Variants in NLGN3 observed in about 807,000 individuals in gnomAD.
The protein encoded by NLGN3 is neuroligin-3.
A neutral mutation model predicts 42.9 loss-of-function variants in NLGN3; 11 were observed. The observed-to-expected ratio is 0.26, with a 90% confidence interval of 0.16 to 0.42. The LOEUF (loss-of-function observed/expected upper bound fraction) is 0.42, where lower values mean the gene tolerates loss of function less well. NLGN3 is among the 10% of genes least tolerant of loss of function. The probability of loss-of-function intolerance (pLI) is 1.00; values close to 1 mark genes in which losing one functional copy is unlikely to be tolerated. For missense variants in NLGN3, 374 were observed against 733.8 expected (o/e 0.51, Z 5.67); for synonymous variants, 279 against 312.7 (o/e 0.89, Z 1.14).
At chrX:71,156,481 C>T (rs1310326219) in intron 5 of NLGN3, among the ~76,000 whole-genome samples, 1 of 110,905 alleles carries the variant, frequency 9.0e-6, no homozygotes, top group Non-Finnish European at 1.9e-5. Flanking sequence ...CCTACACATA[C>T]ATTCCCCCAC....
chrX:71,148,398 T>G (rs765125761), intron 2 of NLGN3, among the ~76,000 whole-genome samples, 192 bp downstream of exon 2: 28 of 106,064 alleles, frequency 2.6e-4, no homozygotes, highest in Admixed American at 2.0e-4. Flanking sequence ...AGCTCCCATG[T>G]GTGAGTGACA....
intron 1 of NLGN3, among the ~76,000 whole-genome samples, chrX:71,146,166 CACACAG>C (rs767279523): frequency 0.047 from 2,230 of 47,411 alleles, 69 homozygotes; most frequent in Admixed American, 0.11. Context: ...CACACACACA[CACACAG>C]ACACACACAC....
intron 3 of NLGN3, among the ~76,000 whole-genome samples, chrX:71,151,650 C>T (rs772307229): frequency 2.1e-4 from 24 of 112,231 alleles, no homozygotes; most frequent in Non-Finnish European, 4.1e-4. Flanking sequence ...GCTGAAGGAG[C>T]AAAGGCATCT....
chrX:71,145,447 A>G (rs754748168), intron 1 of NLGN3, among the ~76,000 whole-genome samples: 3 of 102,693 alleles, frequency 2.9e-5, no homozygotes, highest in East Asian at 6.3e-4. Context: ...GTAGCCCCCA[A>G]TACTGCAGTT....
At chrX:71,156,540 A>G (rs59967081) in intron 5 of NLGN3, among the ~76,000 whole-genome samples, 18,515 of 109,044 alleles carry the variant, frequency 0.17, 1,495 homozygotes, top group Admixed American at 0.34. Flanking sequence ...ACACTCTTCC[A>G]TATACAGCCT....
At position 71,147,711 on chromosome X, in the gene NLGN3, C is replaced by G; in HGVS notation, c.-39C>G. ...TGCCTATTGGGCTGATGCTGTGACC[C>G]TGGAGTCTGCCTCTCCTGCCAGTCC... is the stretch of plus-strand genomic sequence containing the variant. On this transcript the variant is annotated 5_prime_UTR_variant, in exon 2 of 8. Transcript: ENST00000358741. The G allele has an allele frequency of 8.8e-7, 1 of 1,136,574 alleles. No individual in the cohort carries two copies. The allele number at this position is 1,136,574 out of a possible 1,213,427, so 93.7% of individuals were successfully genotyped here.
At position 71,170,192 on chromosome X, in the gene NLGN3, C is replaced by T. The variant is rs1208671480; in HGVS notation, c.*95C>T. 1.7e-6 allele frequency: 2 copies of T among 1,181,280 alleles called. No individual in the cohort carries two copies. The highest frequency in any genetic ancestry group is 2.3e-6 in the Non-Finnish European group (2 of 886,432). On this transcript the variant is annotated 3_prime_UTR_variant, in exon 8 of 8. Coordinates refer to ENST00000358741, the MANE Select transcript of NLGN3 (RefSeq NM_181303.2). ...ACACACACACACGCAGACACACACACACACACACATATATGTATACGCACG... is the reference window on the plus strand; with the variant it reads ...ACACACACACACGCAGACACACACATACACACACATATATGTATACGCACG...
Position 71,170,546 on chromosome X carries a change from C to G in NLGN3, c.*449C>G. ...TAGCTCTTCCTCCCCAGGACTTGGT[C>G]TTTTTTCTGGGTCTTGTTTTGTTGA... On this transcript the variant is annotated 3_prime_UTR_variant, in exon 8 of 8. Coordinates refer to ENST00000358741, the MANE Select transcript of NLGN3 (RefSeq NM_181303.2). 1 of 796,514 alleles carries G rather than the reference C, an allele frequency of 1.3e-6. No individual in the cohort carries two copies. The highest frequency in any genetic ancestry group is 1.5e-6 in the Non-Finnish European group (1 of 665,977). The allele number at this position is 796,514 out of a possible 1,213,427, so 65.6% of individuals were successfully genotyped here. A position where few individuals can be genotyped will look rare whatever the true frequency, so the allele number is the denominator to read the frequency against.
chrX:71,170,326 A>C lies in NLGN3; in HGVS notation c.*229A>C. ...AAGTAAACCTGAACAAACCCTTTAAATGGGGACGCAGATGAGTCCTCGGTA... is the reference window on the plus strand; with the variant it reads ...AAGTAAACCTGAACAAACCCTTTAACTGGGGACGCAGATGAGTCCTCGGTA... On this transcript the variant is annotated 3_prime_UTR_variant, in exon 8 of 8. Transcript: ENST00000358741. The C allele has an allele frequency of 1.0e-5, 11 of 1,050,731 alleles. No individual in the cohort carries two copies. Among genetic ancestry groups the C allele is most frequent in the Non-Finnish European group, 1.2e-5 (10 of 813,082 alleles). The allele number at this position is 1,050,731 out of a possible 1,213,427, so 86.6% of individuals were successfully genotyped here. A position where few individuals can be genotyped will look rare whatever the true frequency, so the allele number is the denominator to read the frequency against.
chrX:71,163,278 C>T (rs763671406), intron 5 of NLGN3, among the ~76,000 whole-genome samples: 55 of 111,917 alleles, frequency 4.9e-4, no homozygotes, highest in African/African-American at 1.8e-3. Flanking sequence ...ATTTCTCCAC[C>T]AGATGAAAAA....
At chrX:71,161,731 G>A (rs1051393493) in intron 5 of NLGN3, among the ~76,000 whole-genome samples, 3 of 111,799 alleles carry the variant, frequency 2.7e-5, no homozygotes, top group African/African-American at 9.8e-5. Context: ...CCGAGATCAT[G>A]CCATTGCATT....
Position 71,146,174 on chromosome X carries a change from C to CAG in NLGN3, c.-201+1211_-201+1212insGA, listed in dbSNP as rs1453651677. ...TCTCTCACACACACACACACACAGA[C>CAG]ACACACACACACACACACACACACA... is the stretch of plus-strand genomic sequence containing the variant. On this transcript the variant is annotated intron_variant, in intron 1 of 7. Transcript: ENST00000358741. Among the ~76,000 whole-genome samples the CAG allele has an allele frequency of 3.8e-3, 210 of 55,468 alleles. 2 individuals are homozygous for CAG. Among genetic ancestry groups the CAG allele is most frequent in the African/African-American group, 7.3e-3 (80 of 11,017 alleles). 48.2% of individuals were successfully genotyped at this position (55,468 alleles called of 115,157 possible).
chrX:71,165,720 G>A (rs2092444716), intron 6 of NLGN3, among the ~76,000 whole-genome samples: 1 of 110,321 alleles, frequency 9.1e-6, no homozygotes, highest in South Asian at 3.9e-4. Context: ...TTTTTGTAGA[G>A]ACAGGTTTTC....
At position 71,168,898 on chromosome X, in the gene NLGN3, G is replaced by GAAAA. The variant is rs59272077; in HGVS notation, c.1704-353_1704-352insAAAA. Among the ~76,000 whole-genome samples the GAAAA allele has an allele frequency of 2.0e-3, 200 of 100,571 alleles. 1 individual carries two copies. Among genetic ancestry groups the GAAAA allele is most frequent in the African/African-American group, 8.5e-3 (194 of 22,766 alleles). 87.3% of individuals were successfully genotyped at this position (100,571 alleles called of 115,157 possible). ...AAGAAAAGAAAGAGAAAGAAAGAAA[G>GAAAA]AAAGAAAAAGAGACTTCGGGTTCAG... On this transcript the variant is annotated intron_variant, in intron 7 of 7. Transcript: ENST00000358741.
At chrX:71,147,433 C>G (rs181160842) in intron 1 of NLGN3, 117 bp from the exon 2 acceptor site, 1 of 359,645 alleles carries the variant, frequency 2.8e-6, no homozygotes, top group Non-Finnish European at 4.9e-6. Context: ...GGCCCCTGGG[C>G]ATGTGAAACC....
intron 5 of NLGN3, 75 bp from the exon 6 acceptor site, chrX:71,164,068 G>T: frequency 1.0e-6 from 1 of 995,847 alleles, no homozygotes; most frequent in South Asian, 2.0e-5. Flanking sequence ...CTCCCCTGTT[G>T]ACCCTGCCTG....
chrX:71,162,549 A>G (rs2092433995), intron 5 of NLGN3, among the ~76,000 whole-genome samples: 1 of 112,192 alleles, frequency 8.9e-6, no homozygotes, highest in African/African-American at 3.2e-5. Flanking sequence ...GCTTTCTCTA[A>G]TTCATTCTCA....
At chrX:71,146,580 G>A (rs1319461963) in intron 1 of NLGN3, among the ~76,000 whole-genome samples, 3 of 111,556 alleles carry the variant, frequency 2.7e-5, no homozygotes, top group Admixed American at 9.5e-5. Flanking sequence ...AAGTCTCTAT[G>A]TGTGTCTCTG....
chrX:71,157,541 C>T (rs1259130812), intron 5 of NLGN3, among the ~76,000 whole-genome samples: 1 of 110,283 alleles, frequency 9.1e-6, no homozygotes, highest in Admixed American at 9.7e-5. Flanking sequence ...CCAGGCTGGT[C>T]TCGAACTCCT....
Sources: allele counts gnomAD v4.1 joint callset (sites outside exome capture counted in the v4.1 genomes callset), GRCh38; gene constraint gnomAD v4.1.1; transcripts MANE v1.5; gene names NCBI Gene and HGNC (gene_info 2026-07-23, HGNC 2026-07-21).